The following SP4 variants were observed in gnomAD, a reference collection of about 807,000 sequenced individuals.
The protein encoded by SP4 is Sp4 transcription factor, also known as transcription factor Sp4.
A neutral mutation model predicts 72.8 loss-of-function variants in SP4; 19 were observed. The ratio of observed to expected loss-of-function variants is 0.26; its 90% CI spans 0.18 to 0.38. The LOEUF (loss-of-function observed/expected upper bound fraction) is 0.38, where lower values mean the gene tolerates loss of function less well. Ranked by LOEUF, SP4 falls within the 10% of genes least tolerant of loss-of-function variation. SP4 has a pLI of 1.00. For synonymous variants in SP4, 395 were observed against 333.1 expected (o/e 1.19, Z -2.02); for missense variants, 1,008 against 926.3 (o/e 1.09, Z -1.14).
At chr7:21,477,403 A>C (rs1314583475) in intron 4 of SP4, 96 bp downstream of exon 4, 1 of 732,618 alleles carries the variant, frequency 1.4e-6, no homozygotes, top group Non-Finnish European at 2.4e-6. Flanking sequence ...CTAGAACTTC[A>C]TTACCTTTGT....
At chr7:21,465,256 G>GAGCAATACCTTCAAGCATCAGAATTGAT (rs1398925802) in intron 3 of SP4, among the ~76,000 whole-genome samples, 4 of 152,146 alleles carry the variant, frequency 2.6e-5, no homozygotes, top group Non-Finnish European at 5.9e-5. Flanking sequence ...AGTTTCAAAA[G>GAGCAATACCTTCAAGCATCAGAATTGAT]AGCAATACCT....
At chr7:21,442,183 C>T (rs1372092972) in intron 3 of SP4, among the ~76,000 whole-genome samples, 1 of 151,686 alleles carries the variant, frequency 6.6e-6, no homozygotes, top group Non-Finnish European at 1.5e-5. Flanking sequence ...AGATTACAGG[C>T]ACCCGCCACC....
chr7:21,455,443 A>G (rs1164162752), intron 3 of SP4, among the ~76,000 whole-genome samples: 1 of 152,176 alleles, frequency 6.6e-6, no homozygotes, highest in South Asian at 2.1e-4. Context: ...ATGATTACCC[A>G]TCTGTGAAGA....
chr7:21,437,639 T>C (rs1783091025), intron 3 of SP4, among the ~76,000 whole-genome samples: 1 of 152,094 alleles, frequency 6.6e-6, no homozygotes, highest in African/African-American at 2.4e-5. Context: ...TGGGCCAGAA[T>C]TAGTAAGATA....
intron 1 of SP4, 55 bp downstream of exon 1, chr7:21,428,313 T>C: frequency 1.1e-6 from 1 of 907,150 alleles, no homozygotes; most frequent in Non-Finnish European, 1.8e-6. Context: ...TCTCCCTCCC[T>C]CCCCAGACCC....
At chr7:21,495,429 G>T (rs534092825) in intron 5 of SP4, among the ~76,000 whole-genome samples, 1 of 150,260 alleles carries the variant, frequency 6.7e-6, no homozygotes, top group Admixed American at 6.9e-5. Context: ...TTTTAAATGA[G>T]CAAAGGATTT....
At chr7:21,497,448 T>C (rs1781743230) in intron 5 of SP4, among the ~76,000 whole-genome samples, 1 of 152,264 alleles carries the variant, frequency 6.6e-6, no homozygotes, top group Middle Eastern at 3.2e-3. Context: ...CATGGATTGC[T>C]GCAAGCCTTG....
intron 3 of SP4, among the ~76,000 whole-genome samples, chr7:21,467,382 A>T (rs1479182687): frequency 1.3e-5 from 2 of 152,184 alleles, no homozygotes; most frequent in East Asian, 3.9e-4. Context: ...ATACCATATT[A>T]TACAACAACT....
intron 3 of SP4, among the ~76,000 whole-genome samples, chr7:21,472,474 T>G (rs1013425067): frequency 5.3e-5 from 8 of 152,018 alleles, no homozygotes; most frequent in Non-Finnish European, 7.4e-5. Context: ...TTAATTTTTT[T>G]AAGAGATGGC....
intron 3 of SP4, among the ~76,000 whole-genome samples, chr7:21,442,173 A>C (rs994739849): frequency 1.3e-5 from 2 of 150,744 alleles, no homozygotes; most frequent in Non-Finnish European, 3.0e-5. Context: ...CAAGTAGCTG[A>C]GATTACAGGC....
intron 3 of SP4, among the ~76,000 whole-genome samples, chr7:21,462,208 A>G (rs1051947360): frequency 2.0e-5 from 3 of 151,726 alleles, no homozygotes; most frequent in Non-Finnish European, 2.9e-5. Context: ...TGTATTTTGT[A>G]GAGATGGGGT....
At chr7:21,499,640 A>T (rs149351546) in intron 5 of SP4, among the ~76,000 whole-genome samples, 2 of 152,270 alleles carry the variant, frequency 1.3e-5, no homozygotes, top group Non-Finnish European at 2.9e-5. Context: ...ACTGTGAGAA[A>T]ATAAATTTAT....
chr7:21,461,098 A>G (rs569441039), intron 3 of SP4, among the ~76,000 whole-genome samples: 22 of 152,338 alleles, frequency 1.4e-4, no homozygotes, highest in Non-Finnish European at 2.9e-4. Context: ...AAGGTTGTCT[A>G]AGTCCCCACC....
chr7:21,470,278 A>G (rs1233572366), intron 3 of SP4, among the ~76,000 whole-genome samples: 1 of 152,246 alleles, frequency 6.6e-6, no homozygotes, highest in Non-Finnish European at 1.5e-5. Context: ...CAAATGACAT[A>G]AAAACCACAC....
intron 4 of SP4, among the ~76,000 whole-genome samples, 184 bp downstream of exon 4, chr7:21,477,491 G>A (rs963204499): frequency 3.3e-5 from 5 of 152,164 alleles, no homozygotes; most frequent in Non-Finnish European, 7.3e-5. Flanking sequence ...GCGGTCCTCC[G>A]CCTTGTTCCT....
chr7:21,456,637 A>G (rs1783772452), intron 3 of SP4, among the ~76,000 whole-genome samples: 1 of 152,230 alleles, frequency 6.6e-6, no homozygotes, highest in African/African-American at 2.4e-5. Context: ...CGGGTGTGCA[A>G]GGCCATTTCA....
At chr7:21,428,815 AATTCATCACG>A in intron 2 of SP4, 23 bp downstream of exon 2, 1 of 1,531,642 alleles carries the variant, frequency 6.5e-7, no homozygotes, top group East Asian at 2.4e-5. Context: ...AAATTAAAAA[AATTCATCACG>A]ACACATTAGG....
At chr7:21,444,307 C>T (rs1186367022) in intron 3 of SP4, among the ~76,000 whole-genome samples, 1 of 152,152 alleles carries the variant, frequency 6.6e-6, no homozygotes, top group African/African-American at 2.4e-5. Context: ...TAAAAGGGTA[C>T]TTCTTTGAAC....
chr7:21,438,633 C>T (rs1476493023), intron 3 of SP4, among the ~76,000 whole-genome samples: 1 of 151,982 alleles, frequency 6.6e-6, no homozygotes, highest in African/African-American at 2.4e-5. Context: ...ATAGTAGTCT[C>T]CTCTTATCTG....
Sources: gnomAD v4.1 joint callset for allele counts (sites outside exome capture counted in the v4.1 genomes callset) on GRCh38, gnomAD v4.1.1 for gene constraint, MANE v1.5 for transcripts, NCBI Gene and HGNC (gene_info 2026-07-23, HGNC 2026-07-21) for gene names.